The following CFAP20 variants were observed in gnomAD, a reference collection of about 807,000 sequenced individuals.
CFAP20 encodes the protein cilia and flagella associated protein 20, also known as cilia- and flagella-associated protein 20.
Under a neutral mutation model 25.5 loss-of-function variants are expected in CFAP20, and 14 were observed. The ratio of observed to expected loss-of-function variants is 0.55; its 90% CI spans 0.36 to 0.86. The LOEUF (loss-of-function observed/expected upper bound fraction) is 0.86. Ranked by LOEUF, CFAP20 falls within the 40% of genes least tolerant of loss-of-function variation. CFAP20 has a pLI of 0.01. For synonymous variants in CFAP20, 75 were observed against 91.1 expected (o/e 0.82, Z 1.01); for missense variants, 181 against 248.0 (o/e 0.73, Z 1.81).
intron 1 of CFAP20, chr16:58,118,997 T>TAA (rs1309418856): frequency 6.6e-6 from 1 of 152,234 alleles, no homozygotes; most frequent in Non-Finnish European, 1.5e-5. Context: ...TCACACTGAC[T>TAA]AAAGCTCCTC....
chr16:58,122,801 A>T (rs1960552539), intron 1 of CFAP20, among the ~76,000 whole-genome samples: 1 of 152,160 alleles, frequency 6.6e-6, no homozygotes, highest in South Asian at 2.1e-4. Flanking sequence ...TTCTGAAGAG[A>T]GACTTTATTT....
At chr16:58,126,616 T>G (rs537400765) in intron 1 of CFAP20, among the ~76,000 whole-genome samples, 57 of 152,378 alleles carry the variant, frequency 3.7e-4, no homozygotes, top group African/African-American at 1.3e-3. Context: ...GTCAAGGTCA[T>G]GTCTAGCTAA....
chr16:58,125,713 A>AT (rs1240165875), intron 1 of CFAP20, among the ~76,000 whole-genome samples: 1 of 152,200 alleles, frequency 6.6e-6, no homozygotes, highest in African/African-American at 2.4e-5. Flanking sequence ...ATAATGATAA[A>AT]GAGTATAGTA....
At position 58,129,352 on chromosome 16, in the gene CFAP20, T is replaced by G. The variant is rs3743576; in HGVS notation, c.-237A>C. Reference sequence around the variant, plus strand: ...AGAACGGAAACCACAGCAACTACCGTCCGCGCCGCGGTATTTCCCCGCCTT... The same window carrying G: ...AGAACGGAAACCACAGCAACTACCGGCCGCGCCGCGGTATTTCCCCGCCTT... On this transcript the variant is annotated 5_prime_UTR_variant, in exon 1 of 6. Coordinates refer to ENST00000262498, the MANE Select transcript of CFAP20 (RefSeq NM_013242.3). 7.9e-4 allele frequency: 387 copies of G among 492,824 alleles called. 1 individual carries two copies. The highest frequency in any genetic ancestry group is 1.3e-3 in the Non-Finnish European group (353 of 275,622). 30.5% of individuals were successfully genotyped at this position (492,824 alleles called of 1,614,324 possible). A position where few individuals can be genotyped will look rare whatever the true frequency, so the allele number is the denominator to read the frequency against.
chr16:58,115,087 C>A, intron 4 of CFAP20, 167 bp from the exon 5 acceptor site: 1 of 992,784 alleles, frequency 1.0e-6, no homozygotes, highest in Non-Finnish European at 1.5e-6. Context: ...TTGCTGTATT[C>A]ACCTCTATAC....
intron 1 of CFAP20, among the ~76,000 whole-genome samples, chr16:58,125,277 G>A (rs968297141): frequency 3.2e-4 from 48 of 152,210 alleles, no homozygotes; most frequent in African/African-American, 1.2e-3. Context: ...CGCACATGGC[G>A]CTGTCATCTC....
chr16:58,120,938 T>C (rs1960526476), intron 1 of CFAP20, among the ~76,000 whole-genome samples: 2 of 152,230 alleles, frequency 1.3e-5, no homozygotes, highest in Admixed American at 6.5e-5. Flanking sequence ...CTCCAGAGGT[T>C]TGAAATCAAA....
chr16:58,116,799 G>T, intron 2 of CFAP20, 73 bp downstream of exon 2: 1 of 1,389,694 alleles, frequency 7.2e-7, no homozygotes, highest in Non-Finnish European at 1.0e-6. Flanking sequence ...TCCGCAGTCT[G>T]TGCTATTAAC....
intron 1 of CFAP20, among the ~76,000 whole-genome samples, chr16:58,125,824 G>T (rs1274818366): frequency 1.3e-5 from 2 of 152,188 alleles, no homozygotes; most frequent in African/African-American, 4.8e-5. Flanking sequence ...CAGTAGGTTG[G>T]TTTACACCTA....
At chr16:58,118,912 A>G (rs906143549) in intron 1 of CFAP20, among the ~76,000 whole-genome samples, 3 of 152,196 alleles carry the variant, frequency 2.0e-5, no homozygotes, top group Non-Finnish European at 4.4e-5. Context: ...TTAGAACAGG[A>G]GACATCAGAA....
intron 1 of CFAP20, among the ~76,000 whole-genome samples, chr16:58,124,920 C>T (rs1441171357): frequency 1.3e-5 from 2 of 152,216 alleles, no homozygotes; most frequent in East Asian, 1.9e-4. Flanking sequence ...CCAGACTACA[C>T]TAAATTTATT....
chr16:58,117,317 A>G (rs1248698952), intron 1 of CFAP20, among the ~76,000 whole-genome samples: 1 of 152,222 alleles, frequency 6.6e-6, no homozygotes, highest in Non-Finnish European at 1.5e-5. Context: ...TCATTTTACA[A>G]ATGTGGACAT....
At position 58,128,832 on chromosome 16, in the gene CFAP20, G is replaced by GCC. The variant is rs35532705; in HGVS notation, c.84+198_84+199dup. 5.8e-3 allele frequency among the ~76,000 whole-genome samples: 432 copies of GCC among 74,318 alleles called. 4 individuals are homozygous for GCC. Among genetic ancestry groups the GCC allele is most frequent in the African/African-American group, 7.7e-3 (133 of 17,274 alleles). 48.8% of individuals were successfully genotyped at this position (74,318 alleles called of 152,430 possible). On this transcript the variant is annotated intron_variant, in intron 1 of 5. Coordinates refer to ENST00000262498, the MANE Select transcript of CFAP20 (RefSeq NM_013242.3). The stretch of plus-strand genomic sequence containing the variant: ...TCAGCCACGCCCACCCACATGCACC[G>GCC]CCCCCCCCCCACCTCCTCCGCTGCT...
rs774424328 is a variant in CFAP20 at position 58,116,020 on chromosome 16, C to T, written c.276+21G>A. Reference sequence around the variant, plus strand: ...ACTTTGGTATAGCCAAGAGTGGACACATTCATGTACACATACTTACCTGCA... The same window carrying T: ...ACTTTGGTATAGCCAAGAGTGGACATATTCATGTACACATACTTACCTGCA... On this transcript the variant is annotated intron_variant, in intron 3 of 5. Coordinates refer to ENST00000262498, the MANE Select transcript of CFAP20 (RefSeq NM_013242.3). The T allele has an allele frequency of 2.0e-6, 3 of 1,527,104 alleles. No homozygotes were observed. The Admixed American group carries it at 5.0e-5, about 26-fold the overall frequency. The allele number at this position is 1,527,104 out of a possible 1,614,324, so 94.6% of individuals were successfully genotyped here.
chr16:58,116,690 C>T, intron 2 of CFAP20, 182 bp downstream of exon 2: 1 of 547,544 alleles, frequency 1.8e-6, no homozygotes, highest in Non-Finnish European at 3.2e-6. Flanking sequence ...TATTATTCTG[C>T]CCATTGTACA....
intron 1 of CFAP20, among the ~76,000 whole-genome samples, chr16:58,128,748 T>A (rs1007837912): frequency 6.6e-6 from 1 of 151,696 alleles, no homozygotes; most frequent in Non-Finnish European, 1.5e-5. Context: ...ACCGACCAAG[T>A]CAAGACAGCA....
At chr16:58,116,630 T>A in intron 2 of CFAP20, 1 of 529,612 alleles carries the variant, frequency 1.9e-6, no homozygotes, top group Non-Finnish European at 3.3e-6. Flanking sequence ...ACGTGTTTTA[T>A]ATATATTCAT....
chr16:58,128,189 C>G (rs865899820), intron 1 of CFAP20, among the ~76,000 whole-genome samples: 16 of 152,232 alleles, frequency 1.1e-4, no homozygotes, highest in Middle Eastern at 3.4e-3. Flanking sequence ...AATTCATAGA[C>G]AGCTAGATCT....
intron 1 of CFAP20, among the ~76,000 whole-genome samples, chr16:58,125,878 A>G (rs186731942): frequency 6.6e-6 from 1 of 152,312 alleles, no homozygotes; most frequent in East Asian, 1.9e-4. Context: ...AACAACTATT[A>G]TGTCACTAAG....
Sources: allele counts gnomAD v4.1 joint callset (sites outside exome capture counted in the v4.1 genomes callset), GRCh38; gene constraint gnomAD v4.1.1; transcripts MANE v1.5; gene names NCBI Gene and HGNC (gene_info 2026-07-23, HGNC 2026-07-21).